Variants in PIBF1 observed in about 807,000 individuals in gnomAD.
PIBF1 encodes the protein progesterone-induced-blocking factor 1.
In PIBF1, 90 loss-of-function variants were observed where a neutral mutation model predicts 112.5. The observed-to-expected ratio is 0.80, with a 90% CI of 0.67 to 0.95. The LOEUF is 0.95. Ranked by LOEUF, PIBF1 falls within the 40% of genes least tolerant of loss-of-function variation. The pLI, the probability that PIBF1 is intolerant of heterozygous loss-of-function variation, is 0.00. For missense variants in PIBF1, 915 were observed against 852.3 expected (o/e 1.07, Z -0.92); for synonymous variants, 301 against 288.6 (o/e 1.04, Z -0.44).
chr13:72,965,170 T>C, intron 14 of PIBF1, 104 bp from the exon 15 acceptor site: 1 of 1,016,082 alleles, frequency 9.8e-7, no homozygotes, highest in Non-Finnish European at 1.5e-6. Context: ...TCAGAATAAT[T>C]CATGTCAAAG....
intron 10 of PIBF1, among the ~76,000 whole-genome samples, chr13:72,864,752 A>G (rs1308004366): frequency 3.3e-5 from 5 of 152,200 alleles, no homozygotes; most frequent in Admixed American, 1.3e-4. Flanking sequence ...ATTATTTTAA[A>G]ATATGATGTT....
At chr13:72,994,175 AAG>A (rs896213057) in intron 16 of PIBF1, among the ~76,000 whole-genome samples, 25 of 152,098 alleles carry the variant, frequency 1.6e-4, no homozygotes, top group Non-Finnish European at 2.1e-4. Flanking sequence ...AAGGGAGAGA[AAG>A]AGAGGGAAGT....
intron 14 of PIBF1, among the ~76,000 whole-genome samples, chr13:72,939,127 C>T (rs1248181483): frequency 2.0e-5 from 3 of 152,150 alleles, no homozygotes; most frequent in African/African-American, 7.2e-5. Flanking sequence ...TGTCTTTCCT[C>T]CACTTGTTAG....
At chr13:73,000,520 G>T (rs1357444637) in intron 17 of PIBF1, among the ~76,000 whole-genome samples, 3 of 152,196 alleles carry the variant, frequency 2.0e-5, no homozygotes, top group African/African-American at 7.2e-5. Context: ...GGCTAGGCAG[G>T]TTTTGCTCAG....
chr13:72,852,615 C>T (rs988543095), intron 9 of PIBF1, among the ~76,000 whole-genome samples: 3 of 152,148 alleles, frequency 2.0e-5, no homozygotes, highest in Non-Finnish European at 4.4e-5. Context: ...ACAAAGGTTT[C>T]CAGCTGACAA....
At position 72,975,846 on chromosome 13, in the gene PIBF1, G is replaced by A. The variant is rs75950819; in HGVS notation, c.2049+2171G>A. On this transcript the variant is annotated intron_variant, in intron 16 of 17. Coordinates refer to ENST00000326291, the MANE Select transcript of PIBF1 (RefSeq NM_006346.4). ...GATTCATTCACTATGTGGAATTTTC[G>A]CAAGTGTTTTTGAAATTAAATATTT... 7.0e-3 allele frequency among the ~76,000 whole-genome samples: 1,063 copies of A among 152,172 alleles called. 23 individuals carry two copies. The highest frequency in any genetic ancestry group is 0.024 in the African/African-American group (992 of 41,508).
intron 14 of PIBF1, among the ~76,000 whole-genome samples, chr13:72,935,014 C>T (rs1309716304): frequency 6.6e-6 from 1 of 152,036 alleles, no homozygotes; most frequent in Non-Finnish European, 1.5e-5. Context: ...GAGACAGAGC[C>T]TCACTCTGTT....
intron 5 of PIBF1, among the ~76,000 whole-genome samples, chr13:72,818,761 C>A (rs940914740): frequency 7.2e-6 from 1 of 138,254 alleles, no homozygotes; most frequent in Non-Finnish European, 1.5e-5. Context: ...GAAAAACTCT[C>A]AACTCTTTAT....
intron 2 of PIBF1, among the ~76,000 whole-genome samples, chr13:72,789,206 A>G (rs1406507305): frequency 1.3e-5 from 2 of 151,866 alleles, no homozygotes; most frequent in Non-Finnish European, 2.9e-5. Context: ...AAATTTTTAG[A>G]CAGGGTCTCA....
intron 16 of PIBF1, among the ~76,000 whole-genome samples, chr13:72,977,620 C>G (rs1025876907): frequency 6.7e-6 from 1 of 149,556 alleles, no homozygotes; most frequent in African/African-American, 2.4e-5. Flanking sequence ...ATGTGTTAAA[C>G]AGAAAAAGCA....
intron 10 of PIBF1, among the ~76,000 whole-genome samples, chr13:72,892,110 A>G (rs2138560111): frequency 6.6e-6 from 1 of 152,268 alleles, no homozygotes; most frequent in East Asian, 1.9e-4. Context: ...TGATGTGCAA[A>G]TTTGTAAATA....
At chr13:72,851,245 G>T (rs797006609) in intron 9 of PIBF1, among the ~76,000 whole-genome samples, 24 of 152,308 alleles carry the variant, frequency 1.6e-4, no homozygotes, top group African/African-American at 5.8e-4. Flanking sequence ...AGTCGCAGCT[G>T]CGGACCCAGG....
intron 9 of PIBF1, among the ~76,000 whole-genome samples, chr13:72,843,283 G>A (rs1219487556): frequency 6.6e-6 from 1 of 152,202 alleles, no homozygotes; most frequent in African/African-American, 2.4e-5. Context: ...AATGATGGAT[G>A]AATTTAAAGA....
chr13:73,001,582 C>CTTTTTTGTTTTTTTTTTT (rs2043868154), intron 17 of PIBF1, among the ~76,000 whole-genome samples: 1 of 29,160 alleles, frequency 3.4e-5, no homozygotes, highest in Admixed American at 7.6e-4. Flanking sequence ...AAGAGCTTGA[C>CTTTTTTGTTTTTTTTTTT]TTTTTTTTTT....
chr13:72,798,114 A>G, intron 5 of PIBF1, 88 bp downstream of exon 5: 1 of 1,384,328 alleles, frequency 7.2e-7, no homozygotes, highest in Non-Finnish European at 9.6e-7. Flanking sequence ...TATAAAAGTC[A>G]GTGATTGAAA....
At chr13:72,877,942 T>A (rs543565918) in intron 10 of PIBF1, among the ~76,000 whole-genome samples, 3 of 151,820 alleles carry the variant, frequency 2.0e-5, no homozygotes, top group Non-Finnish European at 1.5e-5. Flanking sequence ...AGAGATGGGG[T>A]TTCTCCATGT....
chr13:73,014,004 G>T (rs2044306979), intron 17 of PIBF1, among the ~76,000 whole-genome samples: 1 of 152,028 alleles, frequency 6.6e-6, no homozygotes, highest in Admixed American at 6.6e-5. Context: ...GAAAGCACTA[G>T]GCCCAGATGG....
At position 73,015,793 on chromosome 13, in the gene PIBF1, A is replaced by G. The variant is rs74092091; in HGVS notation, c.2224-76A>G. 1.0e-3 allele frequency: 764 copies of G among 752,364 alleles called. 4 individuals carry two copies. In the African/African-American group the frequency reaches 0.012, roughly 12 times the overall value. 46.6% of individuals were successfully genotyped at this position (752,364 alleles called of 1,614,324 possible). A position where few individuals can be genotyped will look rare whatever the true frequency, so the allele number is the denominator to read the frequency against. ...AGCTTACATAAAAAAACCTCAATGT[A>G]TATAGTTCTCTGAGTTGCCTCTCTT... On this transcript the variant is annotated intron_variant, in intron 17 of 17. Transcript: ENST00000326291.
intron 17 of PIBF1, among the ~76,000 whole-genome samples, chr13:73,014,027 A>ATCCCT (rs1289444865): frequency 2.4e-4 from 37 of 151,496 alleles, no homozygotes; most frequent in African/African-American, 7.5e-4. Flanking sequence ...TCACTGTTGA[A>ATCCCT]TCCCTTCCCT....
Sources: gnomAD v4.1 joint callset for allele counts (sites outside exome capture counted in the v4.1 genomes callset) on GRCh38, gnomAD v4.1.1 for gene constraint, MANE v1.5 for transcripts, NCBI Gene and HGNC (gene_info 2026-07-23, HGNC 2026-07-21) for gene names.